PXDN: variants seen among roughly 807,000 people sequenced by gnomAD.
PXDN encodes the protein peroxidasin homolog.
Under a neutral mutation model 140.3 loss-of-function variants are expected in PXDN, and 77 were observed. The observed-to-expected ratio is 0.55, with a 90% CI of 0.46 to 0.66. The LOEUF (loss-of-function observed/expected upper bound fraction) is 0.66, where lower values mean the gene tolerates loss of function less well. PXDN is among the 30% of genes least tolerant of loss of function. The pLI is 0.00. For missense variants in PXDN, 1,838 were observed against 2,039.5 expected, an observed-to-expected ratio of 0.90 and a Z score of 1.90; for synonymous variants, 911 against 857.4, an observed-to-expected ratio of 1.06 and a Z score of -1.09.
chr2:1,707,528 T>A (rs1357831361), intron 1 of PXDN, among the ~76,000 whole-genome samples: 1 of 152,380 alleles, frequency 6.6e-6, no homozygotes, highest in African/African-American at 2.4e-5. Context: ...AATTGTGATA[T>A]GTCTGACTTT....
intron 19 of PXDN, among the ~76,000 whole-genome samples, chr2:1,641,239 C>A (rs1682721219): frequency 6.6e-6 from 1 of 152,170 alleles, no homozygotes; most frequent in South Asian, 2.1e-4. Flanking sequence ...GCAACCTCTG[C>A]CTCTTGGGTT....
At position 1,639,250 on chromosome 2, in the gene PXDN, C is replaced by A. The variant is rs1682654549; in HGVS notation, c.4073+52G>T. On this transcript the variant is annotated intron_variant, in intron 20 of 22. Transcript: ENST00000252804. The surrounding 1 kb of genome is among the most constrained non-coding windows in gnomAD (Gnocchi z 5.0). ...GGATGCCGGTCCTACTGCCCGACGC[C>A]CGCGGTGCGAGGGCCCCTCTGCACA... 6.3e-7 allele frequency: 1 copy of A among 1,576,136 alleles called. No homozygotes were observed. Among genetic ancestry groups the A allele is most frequent in the Non-Finnish European group, 8.6e-7 (1 of 1,160,526 alleles).
intron 1 of PXDN, among the ~76,000 whole-genome samples, chr2:1,718,791 G>A (rs993483002): frequency 1.7e-4 from 26 of 152,268 alleles, no homozygotes; most frequent in Admixed American, 3.3e-4. Context: ...CTCTGGTTGA[G>A]CCTGGTCTCC....
intron 8 of PXDN, among the ~76,000 whole-genome samples, chr2:1,674,994 C>G (rs574616847): frequency 6.6e-6 from 1 of 152,202 alleles, no homozygotes; most frequent in African/African-American, 2.4e-5. Flanking sequence ...GCAGCCAAAC[C>G]GTCGGGAACA....
chr2:1,713,486 G>T (rs1684829251), intron 1 of PXDN, among the ~76,000 whole-genome samples: 1 of 152,194 alleles, frequency 6.6e-6, no homozygotes, highest in African/African-American at 2.4e-5. Flanking sequence ...GACTCCTGCG[G>T]GTGACTGCAG....
At chr2:1,667,641 A>G (rs1683477240) in intron 9 of PXDN, among the ~76,000 whole-genome samples, 1 of 152,208 alleles carries the variant, frequency 6.6e-6, no homozygotes, top group African/African-American at 2.4e-5. Flanking sequence ...AATCACAAGC[A>G]TTCCTATATA....
chr2:1,683,045 G>A (rs1177158540), intron 6 of PXDN, among the ~76,000 whole-genome samples: 2 of 151,900 alleles, frequency 1.3e-5, no homozygotes, highest in East Asian at 1.9e-4. Context: ...TAAAATATGC[G>A]CTGGAATTAA....
intron 1 of PXDN, among the ~76,000 whole-genome samples, chr2:1,715,552 G>A (rs573194655): frequency 1.8e-4 from 27 of 152,290 alleles, no homozygotes; most frequent in African/African-American, 5.5e-4. Context: ...CAAGGAACAC[G>A]CCACGGTGCC....
chr2:1,665,025 GC>G lies in PXDN; in HGVS notation c.1340del (p.Gly447AlafsTer71). 1.2e-6 allele frequency: 2 copies of G among 1,612,342 alleles called. No individual in the cohort carries two copies. Among genetic ancestry groups the G allele is most frequent in the Non-Finnish European group, 1.7e-6 (2 of 1,179,230 alleles). ...CTTCACACTGGAAATCCACGGTCTGGCCCTCAATAACGACTCTGTCCTGAGG... is the reference window on the plus strand; with the variant it reads ...CTTCACACTGGAAATCCACGGTCTGGCCTCAATAACGACTCTGTCCTGAGG... ...VTPQDRVVIE[G>X]QTVDFQCEAK... is the part of the protein sequence containing the mutation. On this transcript the variant is annotated frameshift_variant, in exon 11 of 23. Transcript: ENST00000252804. LOFTEE classifies it high-confidence loss of function.
chr2:1,676,190 CT>C (rs66825488), intron 8 of PXDN: 107,381 of 142,686 alleles, frequency 0.75, 41,517 homozygotes, highest in African/African-American at 0.93. Flanking sequence ...CCTCCCATCT[CT>C]TCCCCCTAGA....
At position 1,649,777 on chromosome 2, in the gene PXDN, C is replaced by T. The variant is rs1480744170; in HGVS notation, c.2105-102G>A. On this transcript the variant is annotated intron_variant, in intron 16 of 22. Transcript: ENST00000252804. The surrounding 1 kb of genome is among the most constrained non-coding windows in gnomAD (Gnocchi z 7.1). ...TGCCGCTGACATGGGGCTATCTACC[C>T]CCAGCTCATGAAACCTGTTGTGCGC... is the stretch of plus-strand genomic sequence containing the variant. The T allele has an allele frequency of 7.5e-7, 1 of 1,337,194 alleles. No homozygotes were observed. The highest frequency in any genetic ancestry group is 1.4e-5 in the African/African-American group (1 of 69,218). 82.8% of individuals were successfully genotyped at this position (1,337,194 alleles called of 1,614,324 possible).
At chr2:1,743,629 TGGGGGAGGAGAAGGAAGG>T (rs1322877702) in intron 1 of PXDN, among the ~76,000 whole-genome samples, 3 of 20,058 alleles carry the variant, frequency 1.5e-4, no homozygotes, top group Admixed American at 6.3e-4. Flanking sequence ...GGGCGGAGGC[TGGGGGAGGAGAAGGAAGG>T]GGGGGAGGAG....
rs1278242791 is a variant in PXDN, at chr2:1,654,524, G to A, written c.1838-16C>T. 1.3e-6 allele frequency: 2 copies of A among 1,567,550 alleles called. No individual in the cohort carries two copies. The highest frequency in any genetic ancestry group is 1.7e-5 in the Admixed American group (1 of 59,760). On this transcript the variant is annotated splice_polypyrimidine_tract_variant and intron_variant, in intron 14 of 22. Transcript: ENST00000252804. ...ACGTCAGGAACTAGGAAAATACAAA[G>A]TCGCGTATTACCAGGAAAAATACTG...
At chr2:1,695,211 C>G (rs1031798878) in intron 1 of PXDN, among the ~76,000 whole-genome samples, 1 of 152,250 alleles carries the variant, frequency 6.6e-6, no homozygotes, top group Non-Finnish European at 1.5e-5. Flanking sequence ...ACAAAACCAC[C>G]TTCCTGACAT....
chr2:1,636,633 T>G (rs1480847235), intron 21 of PXDN: 1 of 151,648 alleles, frequency 6.6e-6, no homozygotes, highest in Non-Finnish European at 1.5e-5. Context: ...GCATGCCTCA[T>G]TCATTAGCAA....
intron 1 of PXDN, among the ~76,000 whole-genome samples, chr2:1,743,160 C>T (rs1297722084): frequency 1.3e-5 from 2 of 152,254 alleles, no homozygotes; most frequent in Non-Finnish European, 2.9e-5. Flanking sequence ...GGCGGCATCT[C>T]GGTACCTGGA....
chr2:1,706,194 T>A (rs553192828), intron 1 of PXDN, among the ~76,000 whole-genome samples: 1 of 152,150 alleles, frequency 6.6e-6, no homozygotes, highest in African/African-American at 2.4e-5. Flanking sequence ...GGTTATTCTA[T>A]GAAATTGGGA....
rs550092852 is a variant in PXDN, at chr2:1,661,405, G to A, written c.1681-368C>T. Among the ~76,000 whole-genome samples, 12 of 152,286 alleles carry A rather than the reference G, an allele frequency of 7.9e-5. No homozygotes were observed. The East Asian group carries it at 1.9e-3, about 25-fold the overall frequency. Reference sequence around the variant, plus strand: ...CTCAGAAAGAGAGGGCACTGGCGCCGAGGGCAAAGAAGGATTCAGAGGCAG... The same window carrying A: ...CTCAGAAAGAGAGGGCACTGGCGCCAAGGGCAAAGAAGGATTCAGAGGCAG... On this transcript the variant is annotated intron_variant, in intron 13 of 22. Transcript: ENST00000252804.
chr2:1,662,212 A>G (rs752835386), intron 12 of PXDN, 28 bp from the exon 13 acceptor site: 1 of 1,542,306 alleles, frequency 6.5e-7, no homozygotes, highest in East Asian at 2.4e-5. Flanking sequence ...AGAATCCAGG[A>G]GAACGAGTCA....
Sources: gnomAD v4.1 joint callset for allele counts (sites outside exome capture counted in the v4.1 genomes callset) on GRCh38, gnomAD v4.1.1 for gene constraint, Gnocchi (gnomAD v3.1) non-coding constraint, MANE v1.5 for transcripts, NCBI Gene and HGNC (gene_info 2026-07-23, HGNC 2026-07-21) for gene names.